TRPM2: variants seen among roughly 807,000 people sequenced by gnomAD.
TRPM2 encodes estrogen-responsive element-associated gene 1 protein.
Under a neutral mutation model 174.0 loss-of-function variants are expected in TRPM2, and 161 were observed. The observed-to-expected ratio is 0.93, with a 90% CI of 0.81 to 1.05. The LOEUF (loss-of-function observed/expected upper bound fraction) is 1.05, where lower values mean the gene tolerates loss of function less well. Among genes scored for constraint, TRPM2 ranks in the 50% least tolerant of loss-of-function variants. The probability of loss-of-function intolerance (pLI) is 0.00; values close to 1 mark genes in which losing one functional copy is unlikely to be tolerated. For synonymous variants in TRPM2, 954 were observed against 861.3 expected (o/e 1.11, Z -1.88); for missense variants, 2,057 against 2,038.0 (o/e 1.01, Z -0.18).
At chr21:44,411,079 A>G in intron 19 of TRPM2, among the ~76,000 whole-genome samples, 1 of 152,320 alleles carries the variant, frequency 6.6e-6, no homozygotes, top group East Asian at 1.9e-4. Context: ...TGGTGAGCGT[A>G]GCCTTGTAGT....
rs1201454809 is a variant in TRPM2 at position 44,432,619 on chromosome 21, C to T, written c.3975-2512C>T. On this transcript the variant is annotated intron_variant, in intron 27 of 31. Transcript: ENST00000397928. This position sits in a 1 kb window ranked among gnomAD's most constrained non-coding sequence, Gnocchi z 4.9. Reference sequence around the variant, plus strand: ...TCCTGCACCCGGGTCCTCCTGCCCTCTTGCATTGCTCCTGCCAACATAAAC... The same window carrying T: ...TCCTGCACCCGGGTCCTCCTGCCCTTTTGCATTGCTCCTGCCAACATAAAC... Among the ~76,000 whole-genome samples the T allele has an allele frequency of 1.3e-5, 2 of 152,210 alleles. No homozygotes were observed. Among genetic ancestry groups the T allele is most frequent in the African/African-American group, 4.8e-5 (2 of 41,444 alleles).
chr21:44,406,882 C>A (rs1045102711), intron 19 of TRPM2, 117 bp downstream of exon 19: 13 of 1,342,000 alleles, frequency 9.7e-6, no homozygotes, highest in Admixed American at 7.4e-5. Flanking sequence ...CTGCGGTTCC[C>A]ACCTGGCCGG....
At chr21:44,421,402 A>G (rs866556389) in intron 22 of TRPM2, among the ~76,000 whole-genome samples, 4 of 151,940 alleles carry the variant, frequency 2.6e-5, no homozygotes, top group Non-Finnish European at 5.9e-5. Flanking sequence ...TCTGCTGCCT[A>G]TTTCCCAGCC....
In TRPM2 at chr21:44,427,129, G is replaced by T; in HGVS notation, c.3974+18G>T. 1.9e-6 allele frequency: 3 copies of T among 1,561,038 alleles called. No individual in the cohort carries two copies. The highest frequency in any genetic ancestry group is 2.6e-6 in the Non-Finnish European group (3 of 1,151,366). ...TTGCCCCTGTGAGTGTGCCCCCTGC[G>T]GGCCCCGCCCCGTCAGCCTTTGGGG... On this transcript the variant is annotated intron_variant, in intron 27 of 31. Transcript: ENST00000397928.
At position 44,432,324 on chromosome 21, in the gene TRPM2, T is replaced by TG. The variant is rs2051054744; in HGVS notation, c.3975-2806dup. ...TTCGTGTTCCTTGGCTTGTGATCTCTGCCTCCCTAGCCACATGGCCTCTCC... is the reference window on the plus strand; with the variant it reads ...TTCGTGTTCCTTGGCTTGTGATCTCTGGCCTCCCTAGCCACATGGCCTCTCC... On this transcript the variant is annotated intron_variant, in intron 27 of 31. Coordinates refer to ENST00000397928, the MANE Select transcript of TRPM2 (RefSeq NM_003307.4). This position sits in a 1 kb window ranked among gnomAD's most constrained non-coding sequence, Gnocchi z 4.9. 6.6e-6 allele frequency among the ~76,000 whole-genome samples: 1 copy of TG among 152,236 alleles called. No homozygotes were observed. Among genetic ancestry groups the TG allele is most frequent in the Admixed American group, 6.5e-5 (1 of 15,280 alleles).
At position 44,388,695 on chromosome 21, in the gene TRPM2, C is replaced by T. The variant is rs570967089; in HGVS notation, c.1319-2209C>T. 2.0e-3 allele frequency among the ~76,000 whole-genome samples: 304 copies of T among 150,774 alleles called. 1 individual carries two copies. Among genetic ancestry groups the T allele is most frequent in the Non-Finnish European group, 3.9e-3 (263 of 67,832 alleles). On this transcript the variant is annotated intron_variant, in intron 9 of 31. Coordinates refer to ENST00000397928, the MANE Select transcript of TRPM2 (RefSeq NM_003307.4). ...AACTAGTCAGGCATGGTAGCACACA[C>T]CTGTACTCTTAGTTACTCAAGAGGC... is the stretch of plus-strand genomic sequence containing the variant.
At chr21:44,388,791 C>T (rs944431907) in intron 9 of TRPM2, among the ~76,000 whole-genome samples, 3 of 152,162 alleles carry the variant, frequency 2.0e-5, no homozygotes, top group South Asian at 2.1e-4. Context: ...AATATGATCA[C>T]AGCACTGTGC....
chr21:44,427,675 G>C (rs374075950), intron 27 of TRPM2, among the ~76,000 whole-genome samples: 1 of 152,164 alleles, frequency 6.6e-6, no homozygotes, highest in Non-Finnish European at 1.5e-5. Context: ...ACCTGGGACT[G>C]GGGGGTTGCC....
chr21:44,370,585 G>T (rs1002093579), intron 5 of TRPM2, among the ~76,000 whole-genome samples: 1 of 152,154 alleles, frequency 6.6e-6, no homozygotes, highest in Non-Finnish European at 1.5e-5. Flanking sequence ...TTACCCCGAG[G>T]GGTGATTTAC....
chr21:44,403,582 A>G (rs968961400), intron 16 of TRPM2, among the ~76,000 whole-genome samples: 5 of 151,918 alleles, frequency 3.3e-5, no homozygotes, highest in Non-Finnish European at 5.9e-5. Flanking sequence ...ACACACATAC[A>G]TGCACACACA....
At chr21:44,413,833 A>G in intron 19 of TRPM2, 58 bp from the exon 20 acceptor site, 1 of 1,563,144 alleles carries the variant, frequency 6.4e-7, no homozygotes, top group South Asian at 1.2e-5. Context: ...CCTCCTGCCA[A>G]GCTCCTCTTG....
intron 19 of TRPM2, 110 bp downstream of exon 19, chr21:44,406,875 C>T (rs1056949454): frequency 2.7e-5 from 37 of 1,358,828 alleles, no homozygotes; most frequent in South Asian, 2.3e-4. Flanking sequence ...GGGGGTCCTG[C>T]GGTTCCCACC....
In TRPM2 at chr21:44,353,630, G is replaced by GT; in HGVS notation, c.-70dup. The GT allele has an allele frequency of 7.2e-7, 1 of 1,389,944 alleles. No individual in the cohort carries two copies. The highest frequency in any genetic ancestry group is 9.3e-7 in the Non-Finnish European group (1 of 1,072,050). 86.1% of individuals were successfully genotyped at this position (1,389,944 alleles called of 1,614,324 possible). On this transcript the variant is annotated 5_prime_UTR_variant, in exon 1 of 32. Coordinates refer to ENST00000397928, the MANE Select transcript of TRPM2 (RefSeq NM_003307.4). ...CACCCCATGTGTCTCTAGAACCCCA[G>GT]TGTAGCGAGCTGGAGAGAGGACTGT...
At chr21:44,383,918 C>T (rs537568964) in intron 9 of TRPM2, among the ~76,000 whole-genome samples, 1 of 152,090 alleles carries the variant, frequency 6.6e-6, no homozygotes, top group South Asian at 2.1e-4. Flanking sequence ...GATCTTAAAC[C>T]AACAACCTAA....
intron 9 of TRPM2, among the ~76,000 whole-genome samples, chr21:44,386,027 C>T (rs957450482): frequency 2.6e-5 from 4 of 152,186 alleles, no homozygotes; most frequent in African/African-American, 7.2e-5. Flanking sequence ...AAAGATTCTA[C>T]AACATACCCC....
rs570528731 is a variant in TRPM2, at chr21:44,367,160, C to A, written c.604+226C>A. On this transcript the variant is annotated intron_variant, in intron 4 of 31. Coordinates refer to ENST00000397928, the MANE Select transcript of TRPM2 (RefSeq NM_003307.4). The surrounding 1 kb of genome is among the most constrained non-coding windows in gnomAD (Gnocchi z 4.6). ...GGGCTGGAGATGGCTCAGTGCATGG[C>A]CCTGCTGGTGCCCAGGGCCAAGCAG... is the stretch of plus-strand genomic sequence containing the variant. Among the ~76,000 whole-genome samples the A allele has an allele frequency of 1.3e-5, 2 of 152,208 alleles. No individual in the cohort carries two copies. The highest frequency in any genetic ancestry group is 3.9e-4 in the East Asian group (2 of 5,142).
At chr21:44,375,279 G>A (rs115219585) in intron 5 of TRPM2, among the ~76,000 whole-genome samples, 6 of 152,316 alleles carry the variant, frequency 3.9e-5, no homozygotes, top group Non-Finnish European at 2.9e-5. Context: ...TTCCATTCAT[G>A]GTGCTTCTAA....
At chr21:44,403,869 CACAT>C (rs899280754) in intron 16 of TRPM2, among the ~76,000 whole-genome samples, 11 of 151,470 alleles carry the variant, frequency 7.3e-5, no homozygotes, top group East Asian at 1.9e-4. Flanking sequence ...CACAAATATA[CACAT>C]ACATACACAT....
intron 2 of TRPM2, among the ~76,000 whole-genome samples, chr21:44,360,273 G>A (rs1021027591): frequency 6.6e-6 from 1 of 152,206 alleles, no homozygotes; most frequent in Non-Finnish European, 1.5e-5. Context: ...AGGAAGGGGA[G>A]GAGGCAGAGT....
Sources: allele counts gnomAD v4.1 joint callset (sites outside exome capture counted in the v4.1 genomes callset), GRCh38; gene constraint gnomAD v4.1.1; non-coding constraint Gnocchi (gnomAD v3.1); transcripts MANE v1.5; gene names NCBI Gene and HGNC (gene_info 2026-07-23, HGNC 2026-07-21).